The following TTC7B variants were observed in gnomAD, a reference collection of about 807,000 sequenced individuals.
The protein encoded by TTC7B is tetratricopeptide repeat domain 7B.
TTC7B carries 28 observed loss-of-function variants against 106.8 expected under a neutral mutation model. The ratio of observed to expected loss-of-function variants is 0.26; its 90% confidence interval spans 0.19 to 0.36. TTC7B has a LOEUF of 0.36. Among genes scored for constraint, TTC7B ranks in the 10% least tolerant of loss-of-function variants. TTC7B has a pLI of 1.00. For synonymous variants in TTC7B, 405 were observed against 430.6 expected (o/e 0.94, Z 0.74); for missense variants, 862 against 1,076.4 (o/e 0.80, Z 2.79).
In TTC7B at chr14:90,689,633, G is replaced by T; in HGVS notation, c.857C>A (p.Pro286Gln). ...AGGATCGTCCAGAGGTGACTGGCAC[G>T]GTGGATCCTCCAGAGGGTTCCAGTA... is the stretch of plus-strand genomic sequence containing the variant. ...QSYWNPLEDP[P>Q]CQSPLDDPLR... The change falls in exon 7 of 20, where the codon CCG becomes CAG. Residue 286 changes from proline to glutamine, a missense_variant. Physicochemically the swap from Pro to Gln is moderately conservative, Grantham distance 76. Transcript: ENST00000328459. 1.9e-6 allele frequency: 3 copies of T among 1,614,076 alleles called. No individual in the cohort carries two copies. Among genetic ancestry groups the T allele is most frequent in the Non-Finnish European group, 1.7e-6 (2 of 1,179,996 alleles).
chr14:90,693,438 C>A (rs1887551814), intron 6 of TTC7B, among the ~76,000 whole-genome samples: 1 of 152,164 alleles, frequency 6.6e-6, no homozygotes, highest in African/African-American at 2.4e-5. Flanking sequence ...ATTAGCCAAA[C>A]AACTAGCAGC....
intron 17 of TTC7B, among the ~76,000 whole-genome samples, chr14:90,606,413 A>C (rs1301102008): frequency 6.6e-6 from 1 of 152,236 alleles, no homozygotes; most frequent in African/African-American, 2.4e-5. Context: ...TCAAACTTTC[A>C]AGTTAAAATA....
chr14:90,660,352 C>T (rs529039622), intron 9 of TTC7B, among the ~76,000 whole-genome samples: 3 of 131,514 alleles, frequency 2.3e-5, no homozygotes, highest in African/African-American at 9.1e-5. Flanking sequence ...ATCGTCGTAC[C>T]ACTGCATTCC....
In TTC7B at chr14:90,537,374, G is replaced by GC. The variant is rs1555372756; in HGVS notation, c.*3993_*3994insG. ...GCTATTTTTTTTTTTTTGTAGAGAT[G>GC]GGGGGGGGGTCTCACCATGTTGCCC... is the stretch of plus-strand genomic sequence containing the variant. On this transcript the variant is annotated 3_prime_UTR_variant, in exon 20 of 20. Coordinates refer to ENST00000328459, the MANE Select transcript of TTC7B (RefSeq NM_001010854.2). 62 of 39,874 alleles carry GC rather than the reference G, an allele frequency of 1.6e-3. 2 individuals carry two copies. Among genetic ancestry groups the GC allele is most frequent in the African/African-American group, 5.3e-3 (60 of 11,222 alleles). 2.5% of individuals were successfully genotyped at this position (39,874 alleles called of 1,614,324 possible).
chr14:90,583,537 C>A lies in TTC7B; in HGVS notation c.2108-5229G>T, dbSNP rs921793867. On this transcript the variant is annotated intron_variant, in intron 18 of 19. Transcript: ENST00000328459. ...GATACAAGAACTGGTACCAAAGGAA[C>A]AGCAGCACAGTGAAATGGGCTCTGG... Among the ~76,000 whole-genome samples the A allele has an allele frequency of 1.6e-4, 25 of 152,306 alleles. No homozygotes were observed. The East Asian group carries it at 4.6e-3, about 28-fold the overall frequency.
chr14:90,690,815 T>C (rs1360223955), intron 6 of TTC7B, among the ~76,000 whole-genome samples: 1 of 152,216 alleles, frequency 6.6e-6, no homozygotes, highest in Admixed American at 6.5e-5. Flanking sequence ...TAAGCTTTCA[T>C]CCATATGAAA....
chr14:90,699,525 G>A (rs1887901193), intron 5 of TTC7B, among the ~76,000 whole-genome samples: 1 of 152,110 alleles, frequency 6.6e-6, no homozygotes, highest in South Asian at 2.1e-4. Flanking sequence ...TCATTGTCGT[G>A]GAAACTCAAA....
chr14:90,807,088 T>C lies in TTC7B; in HGVS notation c.121+9087A>G, dbSNP rs2030657795. On this transcript the variant is annotated intron_variant, in intron 1 of 19. Coordinates refer to ENST00000328459, the MANE Select transcript of TTC7B (RefSeq NM_001010854.2). This position sits in a 1 kb window ranked among gnomAD's most constrained non-coding sequence, Gnocchi z 4.1. ...CCTCTATCTACCTGAAAGACTACCGTTCCACTTGCCCAGGACTGAGGGAGC... is the reference window on the plus strand; with the variant it reads ...CCTCTATCTACCTGAAAGACTACCGCTCCACTTGCCCAGGACTGAGGGAGC... Among the ~76,000 whole-genome samples, 1 of 152,094 alleles carries C rather than the reference T, an allele frequency of 6.6e-6. No individual in the cohort carries two copies. Among genetic ancestry groups the C allele is most frequent in the Non-Finnish European group, 1.5e-5 (1 of 68,026 alleles).
chr14:90,604,178 G>A (rs1006164674), intron 17 of TTC7B, among the ~76,000 whole-genome samples: 7 of 152,126 alleles, frequency 4.6e-5, no homozygotes, highest in Admixed American at 6.5e-5. Flanking sequence ...ACAGGGAAGT[G>A]GGAACATACC....
At chr14:90,724,986 TC>T (rs1163397954) in intron 5 of TTC7B, among the ~76,000 whole-genome samples, 2 of 152,218 alleles carry the variant, frequency 1.3e-5, no homozygotes, top group Non-Finnish European at 2.9e-5. Context: ...TCATCTTTTT[TC>T]TTTTCTCTAC....
rs1887381448 is a variant in TTC7B, at chr14:90,689,523, G to A, written c.950+17C>T. 2 of 1,609,254 alleles carry A rather than the reference G, an allele frequency of 1.2e-6. No individual in the cohort carries two copies. The highest frequency in any genetic ancestry group is 2.7e-5 in the African/African-American group (2 of 74,762). On this transcript the variant is annotated intron_variant, in intron 7 of 19. Transcript: ENST00000328459. Reference sequence around the variant, plus strand: ...TCCCAACCCATAACCTACAAGTGAGGACATCAACTTTCATACTTCTCTCCT... The same window carrying A: ...TCCCAACCCATAACCTACAAGTGAGAACATCAACTTTCATACTTCTCTCCT...
chr14:90,547,785 A>T (rs76556635), intron 19 of TTC7B, among the ~76,000 whole-genome samples: 5,420 of 141,872 alleles, frequency 0.038, 298 homozygotes, highest in African/African-American at 0.14. Context: ...TGACAGAGAT[A>T]AAAAAAAAAA....
At chr14:90,587,934 G>A (rs920900013) in intron 18 of TTC7B, among the ~76,000 whole-genome samples, 2 of 152,178 alleles carry the variant, frequency 1.3e-5, no homozygotes, top group African/African-American at 2.4e-5. Flanking sequence ...GGGTGAATAC[G>A]GGTATTTATA....
intron 5 of TTC7B, among the ~76,000 whole-genome samples, chr14:90,705,956 T>G (rs139078414): frequency 2.6e-5 from 4 of 152,302 alleles, no homozygotes; most frequent in Non-Finnish European, 4.4e-5. Flanking sequence ...GCCTCTGTTC[T>G]CTGTATTTCC....
At chr14:90,672,808 C>T (rs1270126864) in intron 9 of TTC7B, among the ~76,000 whole-genome samples, 2 of 152,176 alleles carry the variant, frequency 1.3e-5, no homozygotes, top group Non-Finnish European at 2.9e-5. Flanking sequence ...TGCCTAGTAA[C>T]TCCTGTATAT....
At chr14:90,688,621 CAAAAAAAAAAAAAAAAAAAAAAA>C (rs57020065) in intron 7 of TTC7B, among the ~76,000 whole-genome samples, 1 of 54,492 alleles carries the variant, frequency 1.8e-5, no homozygotes, top group African/African-American at 8.5e-5. Flanking sequence ...GGCTCTGTCT[CAAAAAAAAAAAAAAAAAAAAAAA>C]AAAAAAAAAA....
chr14:90,559,952 C>T (rs1890498243), intron 19 of TTC7B, among the ~76,000 whole-genome samples: 1 of 152,252 alleles, frequency 6.6e-6, no homozygotes, highest in Non-Finnish European at 1.5e-5. Context: ...TGCCACCATC[C>T]TGGGCAATTC....
chr14:90,612,347 C>T (rs1414263262), intron 16 of TTC7B, among the ~76,000 whole-genome samples: 1 of 152,200 alleles, frequency 6.6e-6, no homozygotes, highest in East Asian at 1.9e-4. Flanking sequence ...TAGCATTTTT[C>T]ACATAAATAC....
At chr14:90,643,015 T>C (rs1156622462) in intron 15 of TTC7B, among the ~76,000 whole-genome samples, 4 of 152,320 alleles carry the variant, frequency 2.6e-5, no homozygotes, top group Non-Finnish European at 5.9e-5. Flanking sequence ...AGTTACTTAA[T>C]ATTTACTTAA....
Sources: gnomAD v4.1 joint callset for allele counts (sites outside exome capture counted in the v4.1 genomes callset) on GRCh38, gnomAD v4.1.1 for gene constraint, Gnocchi (gnomAD v3.1) non-coding constraint, MANE v1.5 for transcripts, NCBI Gene and HGNC (gene_info 2026-07-23, HGNC 2026-07-21) for gene names.